The following TXNRD2 variants were observed in gnomAD, a reference collection of about 807,000 sequenced individuals.
The protein encoded by TXNRD2 is thioredoxin reductase 2.
TXNRD2 carries 67 observed loss-of-function variants against 70.8 expected under a neutral mutation model. That is an observed-to-expected ratio of 0.95 (90% CI 0.78 to 1.16). The LOEUF is 1.16. Ranked by LOEUF, TXNRD2 falls within the 50% of genes most tolerant of loss-of-function variation. The pLI is 0.00. For synonymous variants in TXNRD2, 301 were observed against 295.8 expected (o/e 1.02, Z -0.18); for missense variants, 644 against 719.9 (o/e 0.89, Z 1.21).
intron 14 of TXNRD2, among the ~76,000 whole-genome samples, chr22:19,879,732 C>T (rs1938674281): frequency 6.6e-6 from 1 of 152,098 alleles, no homozygotes; most frequent in African/African-American, 2.4e-5. Context: ...CTTCGGGGCC[C>T]TGGTGCTTTC....
At chr22:19,909,984 T>TCA (rs950953289) in intron 8 of TXNRD2, among the ~76,000 whole-genome samples, 19 of 138,660 alleles carry the variant, frequency 1.4e-4, no homozygotes, top group Non-Finnish European at 2.5e-4. Context: ...CACACACCAT[T>TCA]CACACACACA....
At chr22:19,898,159 A>G (rs1288168653) in intron 9 of TXNRD2, 29 bp from the exon 10 acceptor site, 6 of 1,547,876 alleles carry the variant, frequency 3.9e-6, no homozygotes, top group Non-Finnish European at 5.2e-6. Context: ...GGAGCACTGT[A>G]GATCCCAATT....
chr22:19,927,845 G>C (rs551741595), intron 2 of TXNRD2, among the ~76,000 whole-genome samples: 76 of 152,202 alleles, frequency 5.0e-4, no homozygotes, highest in Admixed American at 1.6e-3. Context: ...GGGAGTTCCT[G>C]AACCCAGTCG....
chr22:19,892,730 T>C (rs1270335944), intron 11 of TXNRD2, among the ~76,000 whole-genome samples: 2 of 152,108 alleles, frequency 1.3e-5, no homozygotes, highest in African/African-American at 4.8e-5. Flanking sequence ...GGAGGAGGGC[T>C]AGGGCGCGGT....
rs1173743724 is a variant in TXNRD2 at position 19,910,151 on chromosome 22, TCTC to T, written c.662+1223_662+1225del. On this transcript the variant is annotated intron_variant, in intron 8 of 17. Coordinates refer to ENST00000400521, the MANE Select transcript of TXNRD2 (RefSeq NM_006440.5). ...CTCTCTGCTCCCTGCCAACATGAAGTCTCCACACCCCACAGGCAGGAGCTGCCT... is the reference window on the plus strand; with the variant it reads ...CTCTCTGCTCCCTGCCAACATGAAGTCACACCCCACAGGCAGGAGCTGCCT... 3.3e-5 allele frequency among the ~76,000 whole-genome samples: 5 copies of T among 152,034 alleles called. No homozygotes were observed. In the East Asian group the frequency reaches 7.7e-4, roughly 23 times the overall value.
intron 2 of TXNRD2, among the ~76,000 whole-genome samples, chr22:19,927,861 G>A (rs530994317): frequency 5.9e-5 from 9 of 152,056 alleles, no homozygotes; most frequent in South Asian, 4.2e-4. Flanking sequence ...AGTCGTCCTC[G>A]GGTACCAAGG....
intron 11 of TXNRD2, among the ~76,000 whole-genome samples, chr22:19,886,818 T>C (rs1939054134): frequency 6.6e-6 from 1 of 152,210 alleles, no homozygotes. Flanking sequence ...TGCTGCTGAA[T>C]GGCCCCTCCT....
At chr22:19,921,105 TCAAA>T (rs1940896275) in intron 2 of TXNRD2, among the ~76,000 whole-genome samples, 1 of 71,236 alleles carries the variant, frequency 1.4e-5, no homozygotes. Flanking sequence ...AGACTCTGTC[TCAAA>T]AAAAAAAAAA....
rs144122487 is a variant in TXNRD2, at chr22:19,887,991, T to C, written c.950-4530A>G. On this transcript the variant is annotated intron_variant, in intron 11 of 17. Coordinates refer to ENST00000400521, the MANE Select transcript of TXNRD2 (RefSeq NM_006440.5). Reference sequence around the variant, plus strand: ...GGACTTGGTTCAGAATTGGGGCTGATGGGCCCAACAAAGTTTGTCCTTCTG... The same window carrying C: ...GGACTTGGTTCAGAATTGGGGCTGACGGGCCCAACAAAGTTTGTCCTTCTG... 4.4e-4 allele frequency: 67 copies of C among 153,228 alleles called. No homozygotes were observed. In the East Asian group the frequency reaches 0.012, roughly 27 times the overall value. The allele number at this position is 153,228 out of a possible 1,614,324, so 9.5% of individuals were successfully genotyped here. A position where few individuals can be genotyped will look rare whatever the true frequency, so the allele number is the denominator to read the frequency against.
intron 8 of TXNRD2, among the ~76,000 whole-genome samples, chr22:19,906,684 A>G (rs1940030773): frequency 6.6e-6 from 1 of 152,220 alleles, no homozygotes; most frequent in South Asian, 2.1e-4. Flanking sequence ...TTGGTGTGAC[A>G]ACAGAAAAAC....
chr22:19,904,499 G>C (rs562283623), intron 8 of TXNRD2, among the ~76,000 whole-genome samples: 1 of 152,376 alleles, frequency 6.6e-6, no homozygotes, highest in South Asian at 2.1e-4. Flanking sequence ...TGTGATGCCT[G>C]AGTGGCCTCT....
chr22:19,902,177 T>C (rs1215990993), intron 8 of TXNRD2, among the ~76,000 whole-genome samples: 2 of 152,206 alleles, frequency 1.3e-5, no homozygotes, highest in African/African-American at 4.8e-5. Context: ...AGTGAGACCC[T>C]GTCTCTAAAA....
intron 2 of TXNRD2, among the ~76,000 whole-genome samples, chr22:19,926,628 A>C (rs909481827): frequency 6.6e-6 from 1 of 151,590 alleles, no homozygotes; most frequent in Non-Finnish European, 1.5e-5. Flanking sequence ...AAAAATACAA[A>C]AAATTAGCTG....
At chr22:19,905,513 C>T (rs116182994) in intron 8 of TXNRD2, among the ~76,000 whole-genome samples, 5,835 of 152,224 alleles carry the variant, frequency 0.038, 407 homozygotes, top group African/African-American at 0.13. Context: ...GAGCACCGGG[C>T]CCCCTCCCCA....
At chr22:19,908,163 G>A (rs1197174655) in intron 8 of TXNRD2, among the ~76,000 whole-genome samples, 12 of 137,340 alleles carry the variant, frequency 8.7e-5, no homozygotes, top group South Asian at 2.6e-4. Flanking sequence ...GAGTGTGGGC[G>A]CCGTGGGTAG....
intron 1 of TXNRD2, among the ~76,000 whole-genome samples, chr22:19,931,333 A>G (rs1305958894): frequency 6.6e-6 from 1 of 152,222 alleles, no homozygotes; most frequent in Non-Finnish European, 1.5e-5. Context: ...TCACACGCAC[A>G]CCATACCAAC....
intron 1 of TXNRD2, among the ~76,000 whole-genome samples, chr22:19,940,244 CAAAAA>C (rs141013808): frequency 2.9e-5 from 2 of 68,490 alleles, no homozygotes; most frequent in African/African-American, 1.2e-4. Flanking sequence ...GACACTGTCT[CAAAAA>C]AAAAAAAAAA....
At chr22:19,885,325 T>C (rs1938976731) in intron 11 of TXNRD2, among the ~76,000 whole-genome samples, 1 of 152,232 alleles carries the variant, frequency 6.6e-6, no homozygotes, top group African/African-American at 2.4e-5. Context: ...AACCAGCTGC[T>C]GGCCGGTATG....
chr22:19,919,490 C>T, intron 3 of TXNRD2, 53 bp downstream of exon 3: 4 of 1,524,312 alleles, frequency 2.6e-6, no homozygotes, highest in South Asian at 1.2e-5. Flanking sequence ...GGAACTGGGC[C>T]CACCTCCCAC....
Sources: gnomAD v4.1 joint callset for allele counts (sites outside exome capture counted in the v4.1 genomes callset) on GRCh38, gnomAD v4.1.1 for gene constraint, MANE v1.5 for transcripts, NCBI Gene and HGNC (gene_info 2026-07-23, HGNC 2026-07-21) for gene names.